NBEAL1: variants seen among roughly 807,000 people sequenced by gnomAD.
The protein encoded by NBEAL1 is neurobeachin like 1, also known as neurobeachin-like protein 1.
A neutral mutation model predicts 351.3 loss-of-function variants in NBEAL1; 273 were observed. The observed-to-expected ratio is 0.78, with a 90% CI of 0.70 to 0.86. NBEAL1 has a LOEUF of 0.86. Ranked by LOEUF, NBEAL1 falls within the 40% of genes least tolerant of loss-of-function variation. The pLI is 0.00. For synonymous variants in NBEAL1, 1,050 were observed against 1,086.4 expected (o/e 0.97, Z 0.66); for missense variants, 2,961 against 3,201.3 (o/e 0.92, Z 1.81).
At chr2:203,102,748 G>A (rs574620398) in intron 12 of NBEAL1, among the ~76,000 whole-genome samples, 1 of 152,302 alleles carries the variant, frequency 6.6e-6, no homozygotes, top group East Asian at 1.9e-4. Context: ...TGTTTATCAA[G>A]GATATTGGCC....
chr2:203,116,117 G>A (rs1478917942), intron 18 of NBEAL1, 47 bp downstream of exon 18: 2 of 1,260,434 alleles, frequency 1.6e-6, no homozygotes, highest in Admixed American at 2.0e-5. Flanking sequence ...ACTATGTTGT[G>A]AACTGCAGTT....
At chr2:203,197,486 T>C in intron 48 of NBEAL1, 95 bp downstream of exon 48, 1 of 815,780 alleles carries the variant, frequency 1.2e-6, no homozygotes, top group Non-Finnish European at 2.0e-6. Flanking sequence ...AGCCACTTTT[T>C]GGCTGTGCAT....
At chr2:203,114,914 G>A (rs1012493738) in intron 17 of NBEAL1, among the ~76,000 whole-genome samples, 7 of 151,464 alleles carry the variant, frequency 4.6e-5, no homozygotes, top group African/African-American at 1.7e-4. Flanking sequence ...ACCACACCCA[G>A]CTAATTATTT....
intron 26 of NBEAL1, among the ~76,000 whole-genome samples, chr2:203,132,404 T>C (rs1211406569): frequency 6.6e-6 from 1 of 152,238 alleles, no homozygotes; most frequent in Non-Finnish European, 1.5e-5. Context: ...GTGCAAAAGA[T>C]TGTTTTTTCT....
At chr2:203,201,761 TTTC>T (rs1479902453) in intron 50 of NBEAL1, 46 bp downstream of exon 50, 29 of 1,507,794 alleles carry the variant, frequency 1.9e-5, no homozygotes, top group Non-Finnish European at 2.5e-5. Flanking sequence ...ATTTTCTTTT[TTTC>T]TTAAGTATAA....
chr2:203,144,055 C>G (rs1057104800), intron 31 of NBEAL1, among the ~76,000 whole-genome samples: 1 of 151,508 alleles, frequency 6.6e-6, no homozygotes, highest in Non-Finnish European at 1.5e-5. Context: ...ACTAAAAATA[C>G]AAAAAATTAG....
Position 203,211,101 on chromosome 2 carries a change from C to G in NBEAL1, c.7929C>G (p.Leu2643=), listed in dbSNP as rs1297641401. Residue 2643 remains leucine, a synonymous_variant, in exon 54 of 56, where the codon CTC becomes CTG. Transcript: ENST00000683969. ...SIQGFLSIRD[L]HSLNLSINPL... ...AAGGATTCCTGTCTATAAGAGATCT[C>G]CACAGGTAAATAATAAAAACTAATG... 1.3e-6 allele frequency: 2 copies of G among 1,521,500 alleles called. No homozygotes were observed. Among genetic ancestry groups the G allele is most frequent in the Non-Finnish European group, 1.8e-6 (2 of 1,133,230 alleles). The allele number at this position is 1,521,500 out of a possible 1,614,324, so 94.2% of individuals were successfully genotyped here. A position where few individuals can be genotyped will look rare whatever the true frequency, so the allele number is the denominator to read the frequency against.
intron 37 of NBEAL1, 45 bp downstream of exon 37, chr2:203,166,342 G>A: frequency 1.3e-6 from 2 of 1,519,400 alleles, no homozygotes; most frequent in Non-Finnish European, 1.8e-6. Context: ...CAATAATTAA[G>A]TATCTAATTT....
intron 31 of NBEAL1, among the ~76,000 whole-genome samples, chr2:203,144,256 T>TA (rs2063455521): frequency 6.7e-6 from 1 of 148,742 alleles, no homozygotes; most frequent in South Asian, 2.1e-4. Flanking sequence ...TTTATACTGG[T>TA]GGTTTCTCTC....
At chr2:203,022,506 C>T (rs2060788523) in intron 2 of NBEAL1, among the ~76,000 whole-genome samples, 1 of 151,982 alleles carries the variant, frequency 6.6e-6, no homozygotes, top group Non-Finnish European at 1.5e-5. Flanking sequence ...AAAAGGTTAA[C>T]CTAGTTTCTT....
intron 6 of NBEAL1, among the ~76,000 whole-genome samples, chr2:203,057,817 CTTTTTTCT>C (rs2061428971): frequency 6.8e-6 from 1 of 147,190 alleles, no homozygotes; most frequent in Non-Finnish European, 1.5e-5. Flanking sequence ...CATTTTTTTT[CTTTTTTCT>C]TTTTTTTTTT....
intron 2 of NBEAL1, among the ~76,000 whole-genome samples, chr2:203,041,290 T>G (rs2061136683): frequency 6.6e-6 from 1 of 152,184 alleles, no homozygotes; most frequent in Admixed American, 6.5e-5. Context: ...TGGGGCCTTG[T>G]TTTGAAAAGA....
chr2:203,185,330 A>G lies in NBEAL1; in HGVS notation c.6705+1942A>G, dbSNP rs1279188415. On this transcript the variant is annotated intron_variant, in intron 44 of 55. Transcript: ENST00000683969. ...TAAGATATTAGAATTATATATTTCA[A>G]TTATGTATTACTGAGTAACAAACTG... Among the ~76,000 whole-genome samples the G allele has an allele frequency of 2.6e-5, 4 of 152,142 alleles. No individual in the cohort carries two copies. The East Asian group carries it at 5.8e-4, about 22-fold the overall frequency.
At chr2:203,059,908 T>TG (rs2061470123) in intron 6 of NBEAL1, among the ~76,000 whole-genome samples, 1 of 152,228 alleles carries the variant, frequency 6.6e-6, no homozygotes, top group Non-Finnish European at 1.5e-5. Flanking sequence ...TTATACTCAT[T>TG]AGCACTTTGG....
intron 31 of NBEAL1, among the ~76,000 whole-genome samples, chr2:203,139,374 T>C (rs901650188): frequency 6.6e-6 from 1 of 152,016 alleles, no homozygotes; most frequent in African/African-American, 2.4e-5. Context: ...TGGGTTAGAT[T>C]AGTCATGATA....
intron 31 of NBEAL1, among the ~76,000 whole-genome samples, chr2:203,142,063 C>T (rs926645095): frequency 1.3e-5 from 2 of 152,184 alleles, no homozygotes; most frequent in African/African-American, 4.8e-5. Context: ...CCCTGGGCTG[C>T]ACATTAAATC....
intron 50 of NBEAL1, among the ~76,000 whole-genome samples, chr2:203,202,412 A>G (rs1049946908): frequency 8.5e-5 from 13 of 152,150 alleles, no homozygotes; most frequent in African/African-American, 2.7e-4. Context: ...CAAACTATCT[A>G]ACCTCCTCCC....
At chr2:203,112,986 A>C in intron 16 of NBEAL1, 29 bp from the exon 17 acceptor site, 1 of 1,431,844 alleles carries the variant, frequency 7.0e-7, no homozygotes, top group South Asian at 1.6e-5. Context: ...TGTTAATTAA[A>C]ATTGTGTAAT....
Position 203,125,391 on chromosome 2 carries a change from C to T in NBEAL1, c.2722C>T (p.Pro908Ser). 6.5e-7 allele frequency: 1 copy of T among 1,544,984 alleles called. No homozygotes were observed. The highest frequency in any genetic ancestry group is 8.7e-7 in the Non-Finnish European group (1 of 1,144,520). ...NCIGGLNVLF[P>S]LLEQISHFSE... ...CATAGGTGGGTTAAATGTACTCTTT[C>T]CTTTATTGGAACAAATCAGCCACTT... Residue 908 changes from proline (P) to serine (S), a missense_variant, in exon 20 of 56, where the codon CCT becomes TCT. Pro to Ser is a moderately conservative substitution (Grantham distance 74). Transcript: ENST00000683969.
Sources: allele counts gnomAD v4.1 joint callset (sites outside exome capture counted in the v4.1 genomes callset), GRCh38; gene constraint gnomAD v4.1.1; transcripts MANE v1.5; gene names NCBI Gene and HGNC (gene_info 2026-07-23, HGNC 2026-07-21).